VAT1L: variants seen among roughly 807,000 people sequenced by gnomAD.
VAT1L encodes putative NADPH-dependent quinone oxidoreductase VAT1L.
Under a neutral mutation model 44.1 loss-of-function variants are expected in VAT1L, and 34 were observed. The observed-to-expected ratio is 0.77, with a 90% CI of 0.59 to 1.03. The LOEUF is 1.03. VAT1L is among the 50% of genes least tolerant of loss of function. The probability of loss-of-function intolerance (pLI) is 0.00; values close to 1 mark genes in which losing one functional copy is unlikely to be tolerated. For synonymous variants in VAT1L, 253 were observed against 202.2 expected, an observed-to-expected ratio of 1.25 and a Z score of -2.13; for missense variants, 615 against 538.8, an observed-to-expected ratio of 1.14 and a Z score of -1.40.
intron 3 of VAT1L, among the ~76,000 whole-genome samples, chr16:77,855,248 G>C (rs1381318485): frequency 6.6e-6 from 1 of 151,736 alleles, no homozygotes; most frequent in East Asian, 1.9e-4. Context: ...GCTGAGGCAG[G>C]AGAATCGCTC....
intron 4 of VAT1L, among the ~76,000 whole-genome samples, chr16:77,871,405 C>T (rs1241797743): frequency 6.6e-6 from 1 of 152,138 alleles, no homozygotes; most frequent in African/African-American, 2.4e-5. Context: ...CAAGTGTCTC[C>T]TTCTAGTGTT....
intron 2 of VAT1L, among the ~76,000 whole-genome samples, chr16:77,823,978 G>A (rs1463926712): frequency 6.6e-6 from 1 of 152,084 alleles, no homozygotes; most frequent in African/African-American, 2.4e-5. Context: ...AGCTGAGATC[G>A]TGCCATTGCA....
chr16:77,913,047 T>C (rs1161485641), intron 7 of VAT1L, among the ~76,000 whole-genome samples: 1 of 152,158 alleles, frequency 6.6e-6, no homozygotes, highest in Non-Finnish European at 1.5e-5. Flanking sequence ...CTTCAACATA[T>C]GCATTTGCGG....
At chr16:77,838,525 C>T (rs2016664934) in intron 3 of VAT1L, among the ~76,000 whole-genome samples, 1 of 152,072 alleles carries the variant, frequency 6.6e-6, no homozygotes, top group African/African-American at 2.4e-5. Flanking sequence ...TCTCAACATG[C>T]CTGGGCGTCC....
chr16:77,800,670 T>C (rs1016340506), intron 1 of VAT1L: 5 of 152,130 alleles, frequency 3.3e-5, no homozygotes, highest in African/African-American at 1.2e-4. Context: ...TTCTCCCTGT[T>C]CCAGATAGAA....
chr16:77,912,765 G>A (rs2017512295), intron 7 of VAT1L, among the ~76,000 whole-genome samples: 1 of 152,138 alleles, frequency 6.6e-6, no homozygotes, highest in East Asian at 1.9e-4. Context: ...TGCTTAAACA[G>A]CAGATGTTTC....
At chr16:77,802,819 G>C (rs909984585) in intron 1 of VAT1L, among the ~76,000 whole-genome samples, 7 of 152,014 alleles carry the variant, frequency 4.6e-5, no homozygotes, top group Non-Finnish European at 7.4e-5. Context: ...GCCATTTCTT[G>C]GCAATCTTTA....
At chr16:77,968,371 G>C (rs1051117060) in intron 7 of VAT1L, among the ~76,000 whole-genome samples, 3 of 152,194 alleles carry the variant, frequency 2.0e-5, no homozygotes, top group Admixed American at 2.0e-4. Context: ...AGAGTAGTGA[G>C]TTCCTGAAAG....
intron 7 of VAT1L, among the ~76,000 whole-genome samples, chr16:77,905,120 C>T (rs2017425242): frequency 6.6e-6 from 1 of 152,288 alleles, no homozygotes; most frequent in Admixed American, 6.5e-5. Context: ...CCTTATAAAA[C>T]ATCCCCTCTC....
intron 7 of VAT1L, among the ~76,000 whole-genome samples, chr16:77,905,661 C>T (rs1162202077): frequency 6.6e-6 from 1 of 152,122 alleles, no homozygotes; most frequent in Non-Finnish European, 1.5e-5. Flanking sequence ...CTGTTTATAT[C>T]ATTAGCTGCA....
rs2016364716 is a variant in VAT1L, at chr16:77,816,864, G to A, written c.234-57G>A. The A allele has an allele frequency of 1.1e-5, 16 of 1,518,266 alleles. No individual in the cohort carries two copies. The East Asian group carries it at 2.2e-4, about 21-fold the overall frequency. The allele number at this position is 1,518,266 out of a possible 1,614,324, so 94.0% of individuals were successfully genotyped here. ...AAAGAAAGAAAAGAAAACCAGGTCG[G>A]TGCTTTCTTTTGGATCTCATTTTGA... On this transcript the variant is annotated intron_variant, in intron 1 of 8. Coordinates refer to ENST00000302536, the MANE Select transcript of VAT1L (RefSeq NM_020927.3).
At chr16:77,831,580 A>G (rs74029429) in intron 3 of VAT1L, among the ~76,000 whole-genome samples, 2,372 of 152,298 alleles carry the variant, frequency 0.016, 61 homozygotes, top group African/African-American at 0.053. Flanking sequence ...GGGAAAGTCT[A>G]TAAAATACCT....
chr16:77,910,040 G>A lies in VAT1L; in HGVS notation c.1077+25238G>A, dbSNP rs556904501. The stretch of plus-strand genomic sequence containing the variant: ...TTAGGAAACTTCTCATTTCTCTTTA[G>A]AAAACAAGAATGCCCTTTAAGGTGA... On this transcript the variant is annotated intron_variant, in intron 7 of 8. Transcript: ENST00000302536. 5.9e-5 allele frequency among the ~76,000 whole-genome samples: 9 copies of A among 152,296 alleles called. No homozygotes were observed. The East Asian group carries it at 9.6e-4, about 16-fold the overall frequency.
chr16:77,964,779 CTTTTTTTTT>C lies in VAT1L; in HGVS notation c.1078-7047_1078-7039del, dbSNP rs10566511. Among the ~76,000 whole-genome samples the C allele has an allele frequency of 4.4e-3, 405 of 91,886 alleles. 8 individuals are homozygous for C. Among genetic ancestry groups the C allele is most frequent in the African/African-American group, 0.023 (376 of 16,258 alleles). 60.3% of individuals were successfully genotyped at this position (91,886 alleles called of 152,430 possible). A position where few individuals can be genotyped will look rare whatever the true frequency, so the allele number is the denominator to read the frequency against. ...AACACTGCTCACGCCCTTTGTAGCA[CTTTTTTTTT>C]TTTTTTTTTTTTTTTTTTTTTTTAG... On this transcript the variant is annotated intron_variant, in intron 7 of 8. Transcript: ENST00000302536.
At chr16:77,887,362 C>T (rs1056700822) in intron 7 of VAT1L, among the ~76,000 whole-genome samples, 2 of 152,166 alleles carry the variant, frequency 1.3e-5, no homozygotes, top group African/African-American at 4.8e-5. Flanking sequence ...TCCATCAGGA[C>T]AGAAGCTGAA....
intron 7 of VAT1L, among the ~76,000 whole-genome samples, chr16:77,895,224 C>A (rs1402104106): frequency 6.6e-6 from 1 of 152,156 alleles, no homozygotes; most frequent in Non-Finnish European, 1.5e-5. Flanking sequence ...CATGCCCTTG[C>A]ACCCAGCTCT....
chr16:77,887,574 A>C (rs1387639976), intron 7 of VAT1L, among the ~76,000 whole-genome samples: 1 of 152,170 alleles, frequency 6.6e-6, no homozygotes. Context: ...TCCAACCCTC[A>C]GTGCTGGGGG....
chr16:77,964,661 G>T (rs1431748713), intron 7 of VAT1L, among the ~76,000 whole-genome samples: 1 of 152,094 alleles, frequency 6.6e-6, no homozygotes, highest in Non-Finnish European at 1.5e-5. Flanking sequence ...TGGATGGGTT[G>T]GGAGTGTGAG....
intron 3 of VAT1L, among the ~76,000 whole-genome samples, chr16:77,848,711 C>T (rs996626013): frequency 9.8e-5 from 15 of 152,304 alleles, no homozygotes; most frequent in Non-Finnish European, 2.1e-4. Flanking sequence ...TGGTCTGCCT[C>T]TAGAACATGC....
Sources: allele counts gnomAD v4.1 joint callset (sites outside exome capture counted in the v4.1 genomes callset), GRCh38; gene constraint gnomAD v4.1.1; transcripts MANE v1.5; gene names NCBI Gene and HGNC (gene_info 2026-07-23, HGNC 2026-07-21).